FRRS1L: variants seen among roughly 807,000 people sequenced by gnomAD.
FRRS1L encodes ferric chelate reductase 1 like, also known as DOMON domain-containing protein FRRS1L.
A neutral mutation model predicts 28.6 loss-of-function variants in FRRS1L; 22 were observed. The ratio of observed to expected loss-of-function variants is 0.77; its 90% CI spans 0.55 to 1.10. The LOEUF is 1.10. FRRS1L is among the 50% of genes least tolerant of loss of function. The pLI, the probability that FRRS1L is intolerant of heterozygous loss-of-function variation, is 0.00. For missense variants in FRRS1L, 380 were observed against 386.9 expected, an observed-to-expected ratio of 0.98 and a Z score of 0.15; for synonymous variants, 158 against 151.4, an observed-to-expected ratio of 1.04 and a Z score of -0.32.
At chr9:109,139,867 G>C (rs1229224335) in intron 4 of FRRS1L, 1 of 152,210 alleles carries the variant, frequency 6.6e-6, no homozygotes. Context: ...AAAACAACCA[G>C]ATCAGATTAG....
rs896289756 is a variant in FRRS1L, at chr9:109,135,203, G to A, written c.*2252C>T. On this transcript the variant is annotated 3_prime_UTR_variant, in exon 5 of 5. Coordinates refer to ENST00000561981, the MANE Select transcript of FRRS1L (RefSeq NM_014334.4). ...ATTAGAAATCACAATCACCAGTGTTGCTCAATCATAAAGCCCACGAAGTTG... is the reference window on the plus strand; with the variant it reads ...ATTAGAAATCACAATCACCAGTGTTACTCAATCATAAAGCCCACGAAGTTG... 1 of 152,160 alleles carries A rather than the reference G, an allele frequency of 6.6e-6. No individual in the cohort carries two copies. The highest frequency in any genetic ancestry group is 2.1e-4 in the South Asian group (1 of 4,834). 9.4% of individuals were successfully genotyped at this position (152,160 alleles called of 1,614,324 possible). A position where few individuals can be genotyped will look rare whatever the true frequency, so the allele number is the denominator to read the frequency against.
At chr9:109,154,286 T>C (rs747521458) in intron 1 of FRRS1L, among the ~76,000 whole-genome samples, 1 of 152,238 alleles carries the variant, frequency 6.6e-6, no homozygotes, top group Non-Finnish European at 1.5e-5. Context: ...ATTTTCTGCA[T>C]GCTATCTTGG....
In FRRS1L at chr9:109,131,700, C is replaced by T. The variant is rs140355751; in HGVS notation, c.*5755G>A. ...TCATATCATCGTAAGTTTGAAAACTCTTAAGTTGAACCATCCAAATTCGGG... is the reference window on the plus strand; with the variant it reads ...TCATATCATCGTAAGTTTGAAAACTTTTAAGTTGAACCATCCAAATTCGGG... On this transcript the variant is annotated 3_prime_UTR_variant, in exon 5 of 5. Transcript: ENST00000561981. 1.9e-4 allele frequency: 29 copies of T among 152,316 alleles called. No individual in the cohort carries two copies. In the East Asian group the frequency reaches 5.6e-3, roughly 29 times the overall value. The allele number at this position is 152,316 out of a possible 1,614,324, so 9.4% of individuals were successfully genotyped here.
At position 109,143,408 on chromosome 9, in the gene FRRS1L, G is replaced by C. The variant is rs376490818; in HGVS notation, c.463-1819C>G. On this transcript the variant is annotated intron_variant, in intron 3 of 4. Transcript: ENST00000561981. ...GTTGATAATGGGGGAGGCTCCCCAG[G>C]GGGTATATGGGAAATCTGTACCTTC... Among the ~76,000 whole-genome samples the C allele has an allele frequency of 9.2e-4, 140 of 152,246 alleles. 3 individuals are homozygous for C. The South Asian group carries it at 0.026, about 28-fold the overall frequency.
At chr9:109,156,397 T>G (rs1456368206) in intron 1 of FRRS1L, among the ~76,000 whole-genome samples, 1 of 152,218 alleles carries the variant, frequency 6.6e-6, no homozygotes, top group East Asian at 1.9e-4. Context: ...TAGCTTACTT[T>G]CTTTTTTTTG....
chr9:109,166,318 A>C (rs1383008635), intron 1 of FRRS1L, among the ~76,000 whole-genome samples: 1 of 152,084 alleles, frequency 6.6e-6, no homozygotes, highest in Non-Finnish European at 1.5e-5. Context: ...AGGGGACCAT[A>C]ACATATGTGG....
intron 1 of FRRS1L, among the ~76,000 whole-genome samples, chr9:109,159,389 G>A (rs1831452721): frequency 1.3e-5 from 2 of 152,124 alleles, no homozygotes; most frequent in South Asian, 4.1e-4. Flanking sequence ...TAAGTGGGTG[G>A]GCCGGGCGTG....
chr9:109,143,657 G>C (rs1032679661), intron 3 of FRRS1L, among the ~76,000 whole-genome samples: 2 of 151,730 alleles, frequency 1.3e-5, no homozygotes, highest in Non-Finnish European at 2.9e-5. Flanking sequence ...TGGGACTACA[G>C]GCACCCGCCA....
chr9:109,155,862 T>C (rs548847544), intron 1 of FRRS1L, among the ~76,000 whole-genome samples: 1 of 152,218 alleles, frequency 6.6e-6, no homozygotes, highest in East Asian at 1.9e-4. Context: ...CTAAAATTGA[T>C]TGTGGTGACA....
intron 1 of FRRS1L, chr9:109,150,660 T>A (rs867780004): frequency 6.6e-6 from 1 of 152,180 alleles, no homozygotes; most frequent in Non-Finnish European, 1.5e-5. Flanking sequence ...TTTAAACACA[T>A]AATTTCTAAC....
chr9:109,149,145 T>C (rs1831298348), intron 2 of FRRS1L, among the ~76,000 whole-genome samples: 1 of 152,230 alleles, frequency 6.6e-6, no homozygotes, highest in African/African-American at 2.4e-5. Context: ...CGTCATGTCG[T>C]GATACTACTA....
At chr9:109,161,307 A>AT (rs1215196229) in intron 1 of FRRS1L, among the ~76,000 whole-genome samples, 2 of 151,806 alleles carry the variant, frequency 1.3e-5, no homozygotes, top group East Asian at 1.9e-4. Flanking sequence ...TTTTGATGCT[A>AT]TTTTTTTCCC....
chr9:109,141,207 G>T, intron 4 of FRRS1L, 136 bp downstream of exon 4: 1 of 853,874 alleles, frequency 1.2e-6, no homozygotes, highest in East Asian at 2.6e-5. Flanking sequence ...CTGAAGGTAG[G>T]AGTCGCATCT....
At chr9:109,147,319 C>G in intron 2 of FRRS1L, 130 bp from the exon 3 acceptor site, 1 of 753,076 alleles carries the variant, frequency 1.3e-6, no homozygotes, top group Non-Finnish European at 2.2e-6. Context: ...TACCTGGAAT[C>G]TTAAAAACAC....
Position 109,149,652 on chromosome 9 carries a change from T to C in FRRS1L, c.307A>G (p.Thr103Ala). ...AKIKVDDCGK[T>A]KGCFRYGKPG... Reference sequence around the variant, plus strand: ...TCCACCAACCTAAAGCATCCCTTAGTTTTTCCACAGTCGTCCACTTTGATT... The same window carrying C: ...TCCACCAACCTAAAGCATCCCTTAGCTTTTCCACAGTCGTCCACTTTGATT... The change falls in exon 2 of 5, where the codon ACT becomes GCT. Residue 103 changes from threonine (T) to alanine (A), a missense_variant. Coordinates refer to ENST00000561981, the MANE Select transcript of FRRS1L (RefSeq NM_014334.4). 6 of 1,612,590 alleles carry C rather than the reference T, an allele frequency of 3.7e-6. No homozygotes were observed. Among genetic ancestry groups the C allele is most frequent in the Non-Finnish European group, 4.2e-6 (5 of 1,178,694 alleles).
rs1181713990 is a variant in FRRS1L, at chr9:109,132,230, C to T, written c.*5225G>A. 2 of 152,250 alleles carry T rather than the reference C, an allele frequency of 1.3e-5. No individual in the cohort carries two copies. The highest frequency in any genetic ancestry group is 4.8e-5 in the African/African-American group (2 of 41,440). The allele number at this position is 152,250 out of a possible 1,614,324, so 9.4% of individuals were successfully genotyped here. A position where few individuals can be genotyped will look rare whatever the true frequency, so the allele number is the denominator to read the frequency against. On this transcript the variant is annotated 3_prime_UTR_variant, in exon 5 of 5. Coordinates refer to ENST00000561981, the MANE Select transcript of FRRS1L (RefSeq NM_014334.4). ...GATCTCGTGATCCGCCCACCTCGGCCTCCCGAAGTGCTGGGATTACAGGCT... is the reference window on the plus strand; with the variant it reads ...GATCTCGTGATCCGCCCACCTCGGCTTCCCGAAGTGCTGGGATTACAGGCT...
intron 1 of FRRS1L, among the ~76,000 whole-genome samples, chr9:109,157,842 A>G (rs1831430785): frequency 6.6e-6 from 1 of 152,148 alleles, no homozygotes; most frequent in South Asian, 2.1e-4. Flanking sequence ...TTTATCTTCT[A>G]TATTTTGTCC....
At chr9:109,137,726 G>A in intron 4 of FRRS1L, 99 bp from the exon 5 acceptor site, 1 of 648,908 alleles carries the variant, frequency 1.5e-6, no homozygotes, top group Non-Finnish European at 2.5e-6. Context: ...ATTTAGTGTT[G>A]AATACGTAAG....
rs1831562933 is a variant in FRRS1L, at chr9:109,167,023, C to T, written c.116G>A (p.Gly39Asp). The change falls in exon 1 of 5, where the codon GGC becomes GAC. Residue 39 changes from glycine to aspartate, a missense_variant. Transcript: ENST00000561981. ...SPADDGAGPGGRGPRGRARGD... is the reference protein window; with the variant it reads ...SPADDGAGPGDRGPRGRARGD... ...CCGCGCGCGTCCCCGGGGTCCCCGG[C>T]CCCCCGGGCCCGCACCGTCGTCCGC... 2 of 1,210,990 alleles carry T rather than the reference C, an allele frequency of 1.7e-6. No individual in the cohort carries two copies. The highest frequency in any genetic ancestry group is 3.4e-5 in the East Asian group (1 of 29,002). The allele number at this position is 1,210,990 out of a possible 1,614,324, so 75.0% of individuals were successfully genotyped here.
Sources: allele counts gnomAD v4.1 joint callset (sites outside exome capture counted in the v4.1 genomes callset), GRCh38; gene constraint gnomAD v4.1.1; transcripts MANE v1.5; gene names NCBI Gene and HGNC (gene_info 2026-07-23, HGNC 2026-07-21).